CREB5: variants seen among roughly 807,000 people sequenced by gnomAD.
CREB5 encodes cAMP responsive element binding protein 5.
Under a neutral mutation model 57.1 loss-of-function variants are expected in CREB5, and 19 were observed. That is an observed-to-expected ratio of 0.33 (90% confidence interval 0.23 to 0.49). The LOEUF (loss-of-function observed/expected upper bound fraction) is 0.49, where lower values mean the gene tolerates loss of function less well. CREB5 is among the 20% of genes least tolerant of loss of function. CREB5 has a pLI of 0.99. For missense variants in CREB5, 579 were observed against 671.6 expected (o/e 0.86, Z 1.52); for synonymous variants, 238 against 238.3 (o/e 1.00, Z 0.01).
At chr7:28,714,904 TTGGCCTGCACCAAGTC>T (rs1368592891) in intron 5 of CREB5, among the ~76,000 whole-genome samples, 23 of 152,350 alleles carry the variant, frequency 1.5e-4, no homozygotes, top group African/African-American at 5.5e-4. Context: ...AAAGGGAGGC[TTGGCCTGCACCAAGTC>T]TGGAATTATT....
chr7:28,708,048 G>A lies in CREB5; in HGVS notation c.465-10705G>A, dbSNP rs1189588434. ...TGATGCCTGACAAGGATCCCTTTGGGAATCCTCACTCTGATCCCAGGGTTT... is the reference window on the plus strand; with the variant it reads ...TGATGCCTGACAAGGATCCCTTTGGAAATCCTCACTCTGATCCCAGGGTTT... On this transcript the variant is annotated intron_variant, in intron 5 of 10. Coordinates refer to ENST00000357727, the MANE Select transcript of CREB5 (RefSeq NM_182898.4). Among the ~76,000 whole-genome samples the A allele has an allele frequency of 3.3e-5, 5 of 152,128 alleles. 1 individual carries two copies. Among genetic ancestry groups the A allele is most frequent in the African/African-American group, 1.2e-4 (5 of 41,422 alleles).
At chr7:28,349,270 C>A (rs1786141353) in intron 1 of CREB5, among the ~76,000 whole-genome samples, 3 of 152,112 alleles carry the variant, frequency 2.0e-5, no homozygotes, top group Admixed American at 2.0e-4. Flanking sequence ...CAAAGTGCAC[C>A]AACGATATTT....
intron 1 of CREB5, among the ~76,000 whole-genome samples, chr7:28,427,708 A>C (rs1583450167): frequency 6.6e-6 from 1 of 150,850 alleles, no homozygotes; most frequent in Non-Finnish European, 1.5e-5. Context: ...CCTCCTCCTC[A>C]CCCCTCCTAG....
At chr7:28,450,821 G>A (rs1363674077) in intron 1 of CREB5, among the ~76,000 whole-genome samples, 2 of 152,174 alleles carry the variant, frequency 1.3e-5, no homozygotes, top group Non-Finnish European at 2.9e-5. Context: ...TTTTCTTTCT[G>A]ATGTGATCGG....
chr7:28,670,877 A>G (rs899157239), intron 5 of CREB5, among the ~76,000 whole-genome samples: 2 of 152,148 alleles, frequency 1.3e-5, no homozygotes, highest in African/African-American at 2.4e-5. Flanking sequence ...TTCTTTTTAA[A>G]TAGAGACAGG....
At chr7:28,484,770 G>A (rs531139992) in intron 1 of CREB5, among the ~76,000 whole-genome samples, 1 of 152,264 alleles carries the variant, frequency 6.6e-6, no homozygotes, top group East Asian at 1.9e-4. Context: ...AGGACAGACT[G>A]TATTTCTCAA....
At position 28,819,348 on chromosome 7, in the gene CREB5, T is replaced by G. The variant is rs776138452; in HGVS notation, c.*69T>G. ...CATGCGTCCTTTCTTTTAAGGGCAT[T>G]TTTAGAATTAACTCAGACCTGGAAG... On this transcript the variant is annotated 3_prime_UTR_variant, in exon 11 of 11. Transcript: ENST00000357727. The G allele has an allele frequency of 1.5e-4, 230 of 1,494,152 alleles. No homozygotes were observed. The highest frequency in any genetic ancestry group is 1.8e-4 in the Middle Eastern group (1 of 5,414). The allele number at this position is 1,494,152 out of a possible 1,614,324, so 92.6% of individuals were successfully genotyped here.
chr7:28,560,867 T>TGCGCGCGC lies in CREB5; in HGVS notation c.292-9495_292-9494insCGCGCGCG, dbSNP rs1294033526. Reference sequence around the variant, plus strand: ...GTGCGCGTGTGTGTGTGCGTGTGCCTGCGTGCGCGTGCGTGCGTGCGTGTG... The same window carrying TGCGCGCGC: ...GTGCGCGTGTGTGTGTGCGTGTGCCTGCGCGCGCGCGTGCGCGTGCGTGCGTGCGTGTG... On this transcript the variant is annotated intron_variant, in intron 4 of 10. Transcript: ENST00000357727. 5.0e-4 allele frequency among the ~76,000 whole-genome samples: 11 copies of TGCGCGCGC among 22,066 alleles called. 3 individuals are homozygous for TGCGCGCGC. Among genetic ancestry groups the TGCGCGCGC allele is most frequent in the Non-Finnish European group, 8.1e-4 (10 of 12,400 alleles). The allele number at this position is 22,066 out of a possible 152,430, so 14.5% of individuals were successfully genotyped here.
chr7:28,448,154 A>T (rs910845894), intron 1 of CREB5, among the ~76,000 whole-genome samples: 4 of 152,210 alleles, frequency 2.6e-5, no homozygotes, highest in Non-Finnish European at 5.9e-5. Flanking sequence ...CTAGCCTCCC[A>T]GCCTACCTCT....
intron 7 of CREB5, among the ~76,000 whole-genome samples, chr7:28,790,415 G>GAAGA (rs1422188118): frequency 4.9e-4 from 60 of 123,302 alleles, no homozygotes; most frequent in African/African-American, 1.7e-3. Context: ...CATTTTAGCA[G>GAAGA]AAGAAAGAAA....
At chr7:28,721,506 T>C (rs1803030388) in intron 6 of CREB5, among the ~76,000 whole-genome samples, 2 of 152,064 alleles carry the variant, frequency 1.3e-5, no homozygotes, top group African/African-American at 4.8e-5. Flanking sequence ...TCCCCTAGAG[T>C]TTCTGCCCTG....
intron 1 of CREB5, among the ~76,000 whole-genome samples, chr7:28,388,781 T>C (rs1787158309): frequency 6.6e-6 from 1 of 152,212 alleles, no homozygotes. Context: ...CTGGCATTTG[T>C]TGTATCAGTC....
At chr7:28,658,979 A>ATG in intron 5 of CREB5, among the ~76,000 whole-genome samples, 1 of 90,556 alleles carries the variant, frequency 1.1e-5, no homozygotes, top group East Asian at 6.3e-4. Flanking sequence ...ATATATATAT[A>ATG]TGTATATATA....
chr7:28,487,543 G>A (rs1000607308), intron 1 of CREB5, among the ~76,000 whole-genome samples: 26 of 152,130 alleles, frequency 1.7e-4, no homozygotes, highest in Middle Eastern at 3.2e-3. Flanking sequence ...TTACTCCTGC[G>A]TACTTGGATA....
chr7:28,798,613 G>C (rs909144367), intron 7 of CREB5, among the ~76,000 whole-genome samples: 4 of 152,184 alleles, frequency 2.6e-5, no homozygotes, highest in African/African-American at 9.6e-5. Flanking sequence ...CCACCCTCCC[G>C]TCGCGGATAG....
At position 28,560,863 on chromosome 7, in the gene CREB5, T is replaced by TGTGC. The variant is rs1795115369; in HGVS notation, c.292-9501_292-9500insTGCG. Among the ~76,000 whole-genome samples, 18 of 24,246 alleles carry TGTGC rather than the reference T, an allele frequency of 7.4e-4. 2 individuals are homozygous for TGTGC. Among genetic ancestry groups the TGTGC allele is most frequent in the African/African-American group, 2.2e-3 (15 of 6,710 alleles). The allele number at this position is 24,246 out of a possible 152,430, so 15.9% of individuals were successfully genotyped here. ...GTGTGTGCGCGTGTGTGTGTGCGTG[T>TGTGC]GCCTGCGTGCGCGTGCGTGCGTGCG... is the stretch of plus-strand genomic sequence containing the variant. On this transcript the variant is annotated intron_variant, in intron 4 of 10. Transcript: ENST00000357727.
At chr7:28,451,876 T>G (rs568691302) in intron 1 of CREB5, among the ~76,000 whole-genome samples, 1 of 152,242 alleles carries the variant, frequency 6.6e-6, no homozygotes, top group East Asian at 1.9e-4. Flanking sequence ...TTGAATAAGC[T>G]CCATATGGTT....
At chr7:28,340,931 C>T (rs1785923843) in intron 1 of CREB5, among the ~76,000 whole-genome samples, 1 of 152,190 alleles carries the variant, frequency 6.6e-6, no homozygotes, top group East Asian at 1.9e-4. Context: ...CCCATAATCA[C>T]TGTGCTGTCT....
intron 7 of CREB5, among the ~76,000 whole-genome samples, chr7:28,742,785 CT>C (rs969233961): frequency 5.3e-5 from 8 of 151,138 alleles, no homozygotes; most frequent in Non-Finnish European, 1.0e-4. Context: ...TCTTATTTTG[CT>C]TTTTTTTTCT....
Sources: allele counts gnomAD v4.1 joint callset (sites outside exome capture counted in the v4.1 genomes callset), GRCh38; gene constraint gnomAD v4.1.1; transcripts MANE v1.5; gene names NCBI Gene and HGNC (gene_info 2026-07-23, HGNC 2026-07-21).